Variants in SLC43A2 observed in about 807,000 individuals in gnomAD.
SLC43A2 encodes the protein solute carrier family 43 member 2.
In SLC43A2, 38 loss-of-function variants were observed where a neutral mutation model predicts 63.2. The ratio of observed to expected loss-of-function variants is 0.60; its 90% CI spans 0.46 to 0.79. The LOEUF (loss-of-function observed/expected upper bound fraction) is 0.79, where lower values mean the gene tolerates loss of function less well. Ranked by LOEUF, SLC43A2 falls within the 30% of genes least tolerant of loss-of-function variation. The pLI is 0.00. For synonymous variants in SLC43A2, 322 were observed against 331.0 expected (o/e 0.97, Z 0.30); for missense variants, 644 against 756.2 (o/e 0.85, Z 1.74).
chr17:1,627,675 AG>A, intron 2 of SLC43A2, 39 bp downstream of exon 2: 9 of 564,602 alleles, frequency 1.6e-5, no homozygotes, highest in East Asian at 8.9e-5. Flanking sequence ...CCAAAGCCCC[AG>A]CTCCAGGAGC....
chr17:1,605,061 C>G lies in SLC43A2; in HGVS notation c.501+8134G>C. 1 of 902,406 alleles carries G rather than the reference C, an allele frequency of 1.1e-6. No individual in the cohort carries two copies. Among genetic ancestry groups the G allele is most frequent in the Non-Finnish European group, 1.5e-6 (1 of 659,580 alleles). The allele number at this position is 902,406 out of a possible 1,614,324, so 55.9% of individuals were successfully genotyped here. A position where few individuals can be genotyped will look rare whatever the true frequency, so the allele number is the denominator to read the frequency against. Reference sequence around the variant, plus strand: ...CCAAGCAGGAAGCCGGAGCTGTTTCCTGACTCACCACCACACTCACAGGTG... The same window carrying G: ...CCAAGCAGGAAGCCGGAGCTGTTTCGTGACTCACCACCACACTCACAGGTG... On this transcript the variant is annotated intron_variant, in intron 5 of 13. Coordinates refer to ENST00000301335, the MANE Select transcript of SLC43A2 (RefSeq NM_152346.3). This position sits in a 1 kb window ranked among gnomAD's most constrained non-coding sequence, Gnocchi z 4.9.
At chr17:1,613,420 G>GC in intron 4 of SLC43A2, 149 bp from the exon 5 acceptor site, 1 of 652,384 alleles carries the variant, frequency 1.5e-6, no homozygotes. Context: ...GAGTGGAACT[G>GC]CCCCTTTCTC....
intron 11 of SLC43A2, among the ~76,000 whole-genome samples, chr17:1,581,955 T>A (rs369595249): frequency 2.6e-4 from 39 of 151,784 alleles, no homozygotes; most frequent in Admixed American, 7.9e-4. Flanking sequence ...TACAGGCATG[T>A]GCCACCACGC....
At chr17:1,594,770 A>T (rs1905139225) in intron 5 of SLC43A2, among the ~76,000 whole-genome samples, 1 of 151,522 alleles carries the variant, frequency 6.6e-6, no homozygotes, top group Non-Finnish European at 1.5e-5. Context: ...TTGTATTTTC[A>T]GTAGAGACGG....
Position 1,575,720 on chromosome 17 carries a change from G to C in SLC43A2, c.1594C>G (p.Pro532Ala), listed in dbSNP as rs769703970. The C allele has an allele frequency of 6.2e-7, 1 of 1,613,718 alleles. No individual in the cohort carries two copies. Among genetic ancestry groups the C allele is most frequent in the Admixed American group, 1.7e-5 (1 of 60,022 alleles). Residue 532 changes from proline (P) to alanine (A), a missense_variant, in exon 14 of 14, where the codon CCG (proline) becomes GCG (alanine). Pro to Ala is a conservative substitution (Grantham distance 27). Coordinates refer to ENST00000301335, the MANE Select transcript of SLC43A2 (RefSeq NM_152346.3). ...LLLSLLGFCL[P>A]LYLICYRRQL... is the part of the protein sequence containing the mutation. ...CGCCGGTAGCAGATCAGGTAGAGCG[G>C]GAGGCAGAAGCCCAGCAGGCTGAGA...
At chr17:1,584,819 C>A (rs1289267782) in intron 10 of SLC43A2, among the ~76,000 whole-genome samples, 47 of 142,252 alleles carry the variant, frequency 3.3e-4, no homozygotes, top group Admixed American at 5.6e-4. Context: ...GACTCCGTCT[C>A]AAAAAAAAAA....
At position 1,571,133 on chromosome 17, in the gene SLC43A2, C is replaced by A. The variant is rs2075841497; in HGVS notation, c.*4471G>T. 2.0e-5 allele frequency: 3 copies of A among 152,388 alleles called. No homozygotes were observed. In the South Asian group the frequency reaches 6.2e-4, roughly 32 times the overall value. 9.4% of individuals were successfully genotyped at this position (152,388 alleles called of 1,614,324 possible). A position where few individuals can be genotyped will look rare whatever the true frequency, so the allele number is the denominator to read the frequency against. On this transcript the variant is annotated 3_prime_UTR_variant, in exon 14 of 14. Coordinates refer to ENST00000301335, the MANE Select transcript of SLC43A2 (RefSeq NM_152346.3). The surrounding 1 kb of genome is among the most constrained non-coding windows in gnomAD (Gnocchi z 5.2). ...GAGGGCTGAGCTGCGGAAGGCCACCCAGGTGGAGTGTGCTGCACCTCCTTC... is the reference window on the plus strand; with the variant it reads ...GAGGGCTGAGCTGCGGAAGGCCACCAAGGTGGAGTGTGCTGCACCTCCTTC...
At chr17:1,624,013 G>A (rs1428104702) in intron 2 of SLC43A2, among the ~76,000 whole-genome samples, 4 of 152,198 alleles carry the variant, frequency 2.6e-5, no homozygotes, top group Non-Finnish European at 5.9e-5. Context: ...CTTTCTTGGG[G>A]GCCCGACCAC....
intron 9 of SLC43A2, chr17:1,586,928 T>TAGC: frequency 1.6e-6 from 2 of 1,232,910 alleles, no homozygotes; most frequent in Non-Finnish European, 2.2e-6. Context: ...TCCCTGACAA[T>TAGC]CCCCCCCACC....
chr17:1,592,995 C>T (rs562279979), intron 6 of SLC43A2, among the ~76,000 whole-genome samples, 192 bp downstream of exon 6: 3 of 152,304 alleles, frequency 2.0e-5, no homozygotes, highest in South Asian at 2.1e-4. Context: ...CAGCCACATG[C>T]GTGATTCCCG....
intron 9 of SLC43A2, chr17:1,586,927 A>AGGGGCCCCC: frequency 5.9e-6 from 8 of 1,355,908 alleles, no homozygotes; most frequent in Non-Finnish European, 8.1e-6. Flanking sequence ...TTCCCTGACA[A>AGGGGCCCCC]TCCCCCCCAC....
rs191406311 is a variant in SLC43A2 at position 1,591,007 on chromosome 17, A to C, written c.932-59T>G. On this transcript the variant is annotated intron_variant, in intron 8 of 13. Transcript: ENST00000301335. ...GCACACTGTCCCCACCACCGGGGGG[A>C]CACGCAGATCCCTCCACGCTGGAGG... 3.7e-5 allele frequency: 57 copies of C among 1,525,838 alleles called. No homozygotes were observed. In the African/African-American group the frequency reaches 6.1e-4, roughly 16 times the overall value. 94.5% of individuals were successfully genotyped at this position (1,525,838 alleles called of 1,614,324 possible).
chr17:1,604,925 C>A (rs554512071), intron 5 of SLC43A2: 109 of 1,524,982 alleles, frequency 7.1e-5, no homozygotes, highest in Non-Finnish European at 8.9e-5. Flanking sequence ...AATGGCTGTT[C>A]GAAGCCGCGG....
At chr17:1,626,842 C>T (rs1908706386) in intron 2 of SLC43A2, among the ~76,000 whole-genome samples, 1 of 152,094 alleles carries the variant, frequency 6.6e-6, no homozygotes, top group South Asian at 2.1e-4. Flanking sequence ...GGAAAATTTC[C>T]TGTCAAGGTT....
intron 5 of SLC43A2, chr17:1,604,680 T>C: frequency 6.6e-7 from 1 of 1,517,002 alleles, no homozygotes; most frequent in Non-Finnish European, 8.8e-7. Flanking sequence ...AGTCCCCAAC[T>C]AGAGATGGCT....
chr17:1,587,085 A>ACACTGCGTTTCCAG, intron 9 of SLC43A2: 2 of 696,980 alleles, frequency 2.9e-6, no homozygotes, highest in South Asian at 2.0e-5. Flanking sequence ...TGCATTTCCC[A>ACACTGCGTTTCCAG]CACTGCGTTT....
At chr17:1,600,679 G>A (rs184065618) in intron 5 of SLC43A2, among the ~76,000 whole-genome samples, 140 of 149,146 alleles carry the variant, frequency 9.4e-4, no homozygotes, top group African/African-American at 3.3e-3. Flanking sequence ...TCAGCCTCCC[G>A]AGCAGCTGGG....
At chr17:1,590,756 C>T in intron 9 of SLC43A2, 46 bp downstream of exon 9, 1 of 1,546,938 alleles carries the variant, frequency 6.5e-7, no homozygotes, top group Non-Finnish European at 8.7e-7. Flanking sequence ...GTGGGCTGGG[C>T]TCAGGCCGGG....
intron 2 of SLC43A2, among the ~76,000 whole-genome samples, chr17:1,624,588 C>T (rs1057143812): frequency 6.6e-6 from 1 of 151,642 alleles, no homozygotes; most frequent in African/African-American, 2.4e-5. Context: ...CCTGTAATCC[C>T]AAAAACAAAA....
Sources: allele counts gnomAD v4.1 joint callset (sites outside exome capture counted in the v4.1 genomes callset), GRCh38; gene constraint gnomAD v4.1.1; non-coding constraint Gnocchi (gnomAD v3.1); transcripts MANE v1.5; gene names NCBI Gene and HGNC (gene_info 2026-07-23, HGNC 2026-07-21).